SLC7A8: variants seen among roughly 807,000 people sequenced by gnomAD.
The protein encoded by SLC7A8 is large neutral amino acids transporter small subunit 2.
A neutral mutation model predicts 51.2 loss-of-function variants in SLC7A8; 30 were observed. The ratio of observed to expected loss-of-function variants is 0.59; its 90% CI spans 0.44 to 0.80. The LOEUF (loss-of-function observed/expected upper bound fraction) is 0.80. Ranked by LOEUF, SLC7A8 falls within the 30% of genes least tolerant of loss-of-function variation. SLC7A8 has a pLI of 0.00. For synonymous variants in SLC7A8, 257 were observed against 275.8 expected, an observed-to-expected ratio of 0.93 and a Z score of 0.67; for missense variants, 612 against 674.4, an observed-to-expected ratio of 0.91 and a Z score of 1.03.
At chr14:23,152,711 G>A (rs977533625) in intron 3 of SLC7A8, among the ~76,000 whole-genome samples, 3 of 152,152 alleles carry the variant, frequency 2.0e-5, no homozygotes, top group African/African-American at 7.2e-5. Context: ...CGCCACACCC[G>A]GTGATGTTTT....
chr14:23,161,300 G>T (rs1209179392), intron 3 of SLC7A8, among the ~76,000 whole-genome samples: 3 of 151,858 alleles, frequency 2.0e-5, no homozygotes, highest in Admixed American at 2.0e-4. Context: ...CCTCGCCACG[G>T]GCTTTACCAC....
chr14:23,143,274 G>A, intron 3 of SLC7A8, 70 bp from the exon 4 acceptor site: 1 of 1,591,172 alleles, frequency 6.3e-7, no homozygotes, highest in South Asian at 1.1e-5. Context: ...AGGCACACAA[G>A]CAGAACTGCT....
In SLC7A8 at chr14:23,140,557, G is replaced by T. The variant is rs139271979; in HGVS notation, c.702C>A (p.Val234=). The change falls in exon 5 of 11, where the codon GTC becomes GTA. Residue 234 remains valine, a synonymous_variant. Coordinates refer to ENST00000316902, the MANE Select transcript of SLC7A8 (RefSeq NM_012244.4). ...AGGAGCCCTGAAGGAAAGCCAGTGC[G>T]ACGAGGCCGATGTCAGGTTCCTGGA... ...ENFQEPDIGL[V]ALAFLQGSFA... 6 of 1,614,152 alleles carry T rather than the reference G, an allele frequency of 3.7e-6. No individual in the cohort carries two copies. Among genetic ancestry groups the T allele is most frequent in the Non-Finnish European group, 4.2e-6 (5 of 1,179,988 alleles).
rs1379742640 is a variant in SLC7A8, at chr14:23,166,333, T to C, written c.356+3A>G. The C allele has an allele frequency of 6.2e-7, 1 of 1,612,934 alleles. No homozygotes were observed. Among genetic ancestry groups the C allele is most frequent in the Non-Finnish European group, 8.5e-7 (1 of 1,180,006 alleles). ...CCATTCAGGTCTCCACAGATCCTCT[T>C]ACCCAGCCAGTCCTCCGAAGATGTC... is the stretch of plus-strand genomic sequence containing the variant. On this transcript the variant is annotated splice_donor_region_variant and intron_variant, in intron 2 of 10. Transcript: ENST00000316902.
chr14:23,178,756 A>AG (rs139342095), intron 1 of SLC7A8, among the ~76,000 whole-genome samples: 6,404 of 151,792 alleles, frequency 0.042, 450 homozygotes, highest in African/African-American at 0.15. Context: ...TCTAAAAAAA[A>AG]TTAAAAATAA....
At chr14:23,162,251 A>G (rs1037297651) in intron 3 of SLC7A8, among the ~76,000 whole-genome samples, 2 of 152,190 alleles carry the variant, frequency 1.3e-5, no homozygotes, top group Admixed American at 6.5e-5. Flanking sequence ...TGGCCTTCAC[A>G]GCTAGGAGGA....
chr14:23,165,687 T>C lies in SLC7A8; in HGVS notation c.357-251A>G, dbSNP rs117411993. Among the ~76,000 whole-genome samples the C allele has an allele frequency of 0.013, 1,960 of 152,286 alleles. 19 individuals carry two copies. Among genetic ancestry groups the C allele is most frequent in the Non-Finnish European group, 0.022 (1,475 of 68,016 alleles). The stretch of plus-strand genomic sequence containing the variant: ...CTTTCTCTCCTCTCCTTTCATGATC[T>C]CTTCTCCATCACTGTGGCCACCAGC... On this transcript the variant is annotated intron_variant, in intron 2 of 10. Transcript: ENST00000316902. The surrounding 1 kb of genome is among the most constrained non-coding windows in gnomAD (Gnocchi z 4.2).
chr14:23,127,098 C>G lies in SLC7A8; in HGVS notation c.*79G>C, dbSNP rs1340983167. The G allele has an allele frequency of 3.2e-6, 5 of 1,541,910 alleles. No homozygotes were observed. Among genetic ancestry groups the G allele is most frequent in the Non-Finnish European group, 4.5e-6 (5 of 1,122,962 alleles). On this transcript the variant is annotated 3_prime_UTR_variant, in exon 11 of 11. Coordinates refer to ENST00000316902, the MANE Select transcript of SLC7A8 (RefSeq NM_012244.4). Reference sequence around the variant, plus strand: ...GCAGAGAGAGGGGTGTGTGTGTACTCGCATGTGTTGGCAGGACCAAGGCAG... The same window carrying G: ...GCAGAGAGAGGGGTGTGTGTGTACTGGCATGTGTTGGCAGGACCAAGGCAG...
chr14:23,148,654 A>T (rs1040682096), intron 3 of SLC7A8, among the ~76,000 whole-genome samples: 1 of 152,374 alleles, frequency 6.6e-6, no homozygotes, highest in Admixed American at 6.5e-5. Flanking sequence ...TCATGGAAAC[A>T]TCAGACAGAG....
chr14:23,134,393 C>T (rs1382689580), intron 7 of SLC7A8, among the ~76,000 whole-genome samples: 9 of 126,036 alleles, frequency 7.1e-5, no homozygotes, highest in African/African-American at 2.1e-4. Context: ...GCTGTATTTG[C>T]ACCACTGCAC....
chr14:23,166,119 A>G (rs908186836), intron 2 of SLC7A8, among the ~76,000 whole-genome samples: 1 of 152,068 alleles, frequency 6.6e-6, no homozygotes, highest in East Asian at 1.9e-4. Context: ...GGTCAAAACT[A>G]CAAACCTGGT....
At chr14:23,129,600 G>A in intron 9 of SLC7A8, 50 bp downstream of exon 9, 3 of 1,597,712 alleles carry the variant, frequency 1.9e-6, no homozygotes, top group Non-Finnish European at 2.6e-6. Flanking sequence ...CTGAACTGCA[G>A]CTAGAACCAT....
intron 1 of SLC7A8, among the ~76,000 whole-genome samples, chr14:23,175,235 G>A (rs1038433482): frequency 1.3e-5 from 2 of 152,108 alleles, no homozygotes; most frequent in Non-Finnish European, 2.9e-5. Context: ...TTTGTTTGTT[G>A]TTGTTTTGAG....
intron 7 of SLC7A8, among the ~76,000 whole-genome samples, chr14:23,135,951 G>C (rs900565814): frequency 1.3e-5 from 2 of 152,116 alleles, no homozygotes; most frequent in Non-Finnish European, 2.9e-5. Context: ...ATTAGAAGCT[G>C]TCAACAGTAA....
intron 3 of SLC7A8, chr14:23,155,025 G>T: frequency 4.1e-6 from 1 of 246,422 alleles, no homozygotes; most frequent in Non-Finnish European, 6.9e-6. Context: ...AAAAATCAAA[G>T]CAGCCCTTCC....
rs529054874 is a variant in SLC7A8 at position 23,182,637 on chromosome 14, C to G, written c.151+127G>C. On this transcript the variant is annotated intron_variant, in intron 1 of 10. Coordinates refer to ENST00000316902, the MANE Select transcript of SLC7A8 (RefSeq NM_012244.4). ...AAACTTGACCAGTGGAGGTGAGTTACAGCTCAGGTGACTGACAATCCTTTT... is the reference window on the plus strand; with the variant it reads ...AAACTTGACCAGTGGAGGTGAGTTAGAGCTCAGGTGACTGACAATCCTTTT... 5.7e-6 allele frequency: 6 copies of G among 1,047,212 alleles called. 1 individual carries two copies. The African/African-American group carries it at 9.8e-5, about 17-fold the overall frequency. 64.9% of individuals were successfully genotyped at this position (1,047,212 alleles called of 1,614,324 possible). A position where few individuals can be genotyped will look rare whatever the true frequency, so the allele number is the denominator to read the frequency against.
intron 7 of SLC7A8, among the ~76,000 whole-genome samples, chr14:23,136,108 T>C (rs1206285392): frequency 7.5e-6 from 1 of 133,616 alleles, no homozygotes; most frequent in Non-Finnish European, 1.5e-5. Context: ...GTCATTTACT[T>C]TGTAATTTGT....
At chr14:23,154,995 AGAC>A (rs751388662) in intron 3 of SLC7A8, among the ~76,000 whole-genome samples, 13 of 81,750 alleles carry the variant, frequency 1.6e-4, no homozygotes, top group Non-Finnish European at 2.5e-4. Context: ...GCCACACAAC[AGAC>A]AAAAAAAAAA....
In SLC7A8 at chr14:23,126,986, G is replaced by A; in HGVS notation, c.*191C>T. Reference sequence around the variant, plus strand: ...GGGCCTGGGACATGGACCCTGGGGTGAGAGGCTGGTTCTTTGGGTATGAAT... The same window carrying A: ...GGGCCTGGGACATGGACCCTGGGGTAAGAGGCTGGTTCTTTGGGTATGAAT... On this transcript the variant is annotated 3_prime_UTR_variant, in exon 11 of 11. Transcript: ENST00000316902. 1.5e-6 allele frequency: 1 copy of A among 671,368 alleles called. No homozygotes were observed. Among genetic ancestry groups the A allele is most frequent in the East Asian group, 2.8e-5 (1 of 36,192 alleles). 41.6% of individuals were successfully genotyped at this position (671,368 alleles called of 1,614,324 possible).
Sources: allele counts gnomAD v4.1 joint callset (sites outside exome capture counted in the v4.1 genomes callset), GRCh38; gene constraint gnomAD v4.1.1; non-coding constraint Gnocchi (gnomAD v3.1); transcripts MANE v1.5; gene names NCBI Gene and HGNC (gene_info 2026-07-23, HGNC 2026-07-21).